The following TRPC4 variants were observed in gnomAD, a reference collection of about 807,000 sequenced individuals.
The protein encoded by TRPC4 is transient receptor potential cation channel subfamily C member 4.
In TRPC4, 49 loss-of-function variants were observed where a neutral mutation model predicts 99.4. The ratio of observed to expected loss-of-function variants is 0.49; its 90% CI spans 0.39 to 0.63. The LOEUF is 0.63. TRPC4 is among the 20% of genes least tolerant of loss of function. The pLI is 0.00. For synonymous variants in TRPC4, 454 were observed against 425.9 expected, an observed-to-expected ratio of 1.07 and a Z score of -0.81; for missense variants, 898 against 1,152.9, an observed-to-expected ratio of 0.78 and a Z score of 3.20.
intron 1 of TRPC4, among the ~76,000 whole-genome samples, chr13:37,811,006 T>A (rs1957671163): frequency 6.6e-6 from 1 of 152,122 alleles, no homozygotes; most frequent in African/African-American, 2.4e-5. Context: ...TTAGGCACAA[T>A]AGATTTAATA....
intron 8 of TRPC4, among the ~76,000 whole-genome samples, chr13:37,640,863 A>C (rs910568332): frequency 2.0e-5 from 3 of 152,218 alleles, no homozygotes; most frequent in Non-Finnish European, 4.4e-5. Context: ...TCATTATTTA[A>C]GTAGCTAGAA....
intron 2 of TRPC4, among the ~76,000 whole-genome samples, chr13:37,764,618 G>A (rs1202463226): frequency 6.6e-6 from 1 of 151,270 alleles, no homozygotes; most frequent in African/African-American, 2.4e-5. Context: ...TAATGAGAAA[G>A]CTCATTTTAC....
At chr13:37,828,005 G>C (rs1055018846) in intron 1 of TRPC4, among the ~76,000 whole-genome samples, 2 of 152,162 alleles carry the variant, frequency 1.3e-5, no homozygotes, top group Admixed American at 1.3e-4. Context: ...TCGGAAAAGT[G>C]CAGTACTCGG....
At chr13:37,742,364 G>A (rs773450920) in intron 3 of TRPC4, among the ~76,000 whole-genome samples, 31 of 152,060 alleles carry the variant, frequency 2.0e-4, no homozygotes, top group Non-Finnish European at 3.4e-4. Context: ...AAACATGCAG[G>A]GAACCATCCA....
chr13:37,668,963 T>C (rs754519717), intron 5 of TRPC4, among the ~76,000 whole-genome samples: 4 of 152,144 alleles, frequency 2.6e-5, no homozygotes, highest in Non-Finnish European at 2.9e-5. Context: ...TATAGCTTTC[T>C]GCCATAAAAC....
At chr13:37,828,403 C>T (rs1025902045) in intron 1 of TRPC4, among the ~76,000 whole-genome samples, 6 of 152,098 alleles carry the variant, frequency 3.9e-5, no homozygotes, top group Non-Finnish European at 8.8e-5. Flanking sequence ...TAATTAGTTC[C>T]GGCATTGTGG....
chr13:37,774,976 G>GAA (rs371998962), intron 2 of TRPC4, among the ~76,000 whole-genome samples: 3 of 664 alleles, frequency 4.5e-3, no homozygotes, highest in Non-Finnish European at 0.02. Context: ...TATGGTTAAT[G>GAA]AAATTCAATT....
At chr13:37,659,877 A>G (rs1952370161) in intron 6 of TRPC4, among the ~76,000 whole-genome samples, 1 of 152,206 alleles carries the variant, frequency 6.6e-6, no homozygotes. Context: ...GTTGACTAAG[A>G]AAAGGAATTA....
chr13:37,823,372 C>T (rs1285607176), intron 1 of TRPC4, among the ~76,000 whole-genome samples: 1 of 149,952 alleles, frequency 6.7e-6, no homozygotes, highest in African/African-American at 2.5e-5. Context: ...ATGGTAATGC[C>T]TAGGTTTTCT....
intron 1 of TRPC4, among the ~76,000 whole-genome samples, chr13:37,863,652 T>A (rs1005582878): frequency 6.6e-6 from 1 of 151,724 alleles, no homozygotes. Context: ...AAAAAGAAAC[T>A]CATGCTGTCA....
chr13:37,774,919 T>A (rs1024842033), intron 2 of TRPC4, among the ~76,000 whole-genome samples: 1 of 151,432 alleles, frequency 6.6e-6, no homozygotes, highest in South Asian at 2.1e-4. Context: ...GTAATTACAG[T>A]GTTTATATGA....
intron 1 of TRPC4, among the ~76,000 whole-genome samples, chr13:37,860,734 A>T (rs1370559355): frequency 6.6e-6 from 1 of 151,620 alleles, no homozygotes; most frequent in Admixed American, 6.6e-5. Context: ...TTGAGGCAGC[A>T]GGGAATGTGA....
chr13:37,858,332 A>G (rs1050592029), intron 1 of TRPC4, among the ~76,000 whole-genome samples: 6 of 151,726 alleles, frequency 4.0e-5, no homozygotes, highest in Non-Finnish European at 5.9e-5. Flanking sequence ...GTACATTAAT[A>G]CAACCACAAT....
At chr13:37,738,126 G>A (rs1461229235) in intron 3 of TRPC4, among the ~76,000 whole-genome samples, 3 of 152,048 alleles carry the variant, frequency 2.0e-5, no homozygotes, top group Non-Finnish European at 4.4e-5. Flanking sequence ...TTGAAGATAG[G>A]GGAAATAAAG....
At chr13:37,766,483 C>T (rs930544526) in intron 2 of TRPC4, among the ~76,000 whole-genome samples, 2 of 151,358 alleles carry the variant, frequency 1.3e-5, no homozygotes, top group Non-Finnish European at 3.0e-5. Context: ...CAAAAACTTC[C>T]TATGGATCCT....
At chr13:37,753,786 A>G (rs147222196) in intron 2 of TRPC4, among the ~76,000 whole-genome samples, 123 of 152,242 alleles carry the variant, frequency 8.1e-4, no homozygotes, top group African/African-American at 2.7e-3. Flanking sequence ...AGAAGCTGCT[A>G]ATGCAAATTT....
intron 3 of TRPC4, among the ~76,000 whole-genome samples, chr13:37,705,097 A>C (rs1954226167): frequency 6.6e-6 from 1 of 152,240 alleles, no homozygotes; most frequent in Non-Finnish European, 1.5e-5. Context: ...ATAGATATAC[A>C]CTAGAATATT....
Position 37,808,198 on chromosome 13 carries a change from GC to G in TRPC4, c.-27-24839del, listed in dbSNP as rs144931985. Among the ~76,000 whole-genome samples, 475 of 151,666 alleles carry G rather than the reference GC, an allele frequency of 3.1e-3. 3 individuals are homozygous for G. The highest frequency in any genetic ancestry group is 0.011 in the African/African-American group (453 of 41,446). ...TGATATGTTCAAATGGTTCACTGAAGCAAAAAAAAGCCATGGTTCTTTAGAA... is the reference window on the plus strand; with the variant it reads ...TGATATGTTCAAATGGTTCACTGAAGAAAAAAAAGCCATGGTTCTTTAGAA... On this transcript the variant is annotated intron_variant, in intron 1 of 10. Coordinates refer to ENST00000379705, the MANE Select transcript of TRPC4 (RefSeq NM_016179.4).
intron 2 of TRPC4, among the ~76,000 whole-genome samples, chr13:37,758,729 G>T (rs1367622440): frequency 6.6e-6 from 1 of 151,478 alleles, no homozygotes; most frequent in Non-Finnish European, 1.5e-5. Flanking sequence ...AGTAATACAA[G>T]TTATTAACAG....
Sources: gnomAD v4.1 joint callset for allele counts (sites outside exome capture counted in the v4.1 genomes callset) on GRCh38, gnomAD v4.1.1 for gene constraint, MANE v1.5 for transcripts, NCBI Gene and HGNC (gene_info 2026-07-23, HGNC 2026-07-21) for gene names.